The following GPN2 variants were observed in gnomAD, a reference collection of about 807,000 sequenced individuals.
GPN2 encodes the protein ATP-binding domain 1 family member B.
Under a neutral mutation model 30.1 loss-of-function variants are expected in GPN2, and 27 were observed. That is an observed-to-expected ratio of 0.90 (90% CI 0.66 to 1.24). The LOEUF is 1.24. Ranked by LOEUF, GPN2 falls within the 50% of genes most tolerant of loss-of-function variation. The pLI, the probability that GPN2 is intolerant of heterozygous loss-of-function variation, is 0.00. For missense variants in GPN2, 406 were observed against 405.4 expected, an observed-to-expected ratio of 1.00 and a Z score of -0.01; for synonymous variants, 212 against 174.4, an observed-to-expected ratio of 1.22 and a Z score of -1.70.
chr1:26,880,606 T>C (rs1351982556), intron 4 of GPN2, among the ~76,000 whole-genome samples: 2 of 152,064 alleles, frequency 1.3e-5, no homozygotes, highest in South Asian at 4.2e-4. Flanking sequence ...CCACCACGCC[T>C]GGCCAAAAAT....
chr1:26,882,693 C>T (rs1329512242), intron 4 of GPN2, among the ~76,000 whole-genome samples: 3 of 152,224 alleles, frequency 2.0e-5, no homozygotes, highest in Non-Finnish European at 2.9e-5. Context: ...TGTCCTGCTT[C>T]ACGCATGGCC....
At chr1:26,888,647 C>T (rs558519727) in intron 2 of GPN2, among the ~76,000 whole-genome samples, 2 of 152,324 alleles carry the variant, frequency 1.3e-5, no homozygotes, top group African/African-American at 2.4e-5. Flanking sequence ...CCAGACCACA[C>T]GATGATTCAG....
chr1:26,883,511 G>A (rs2081874783), intron 4 of GPN2, among the ~76,000 whole-genome samples: 1 of 151,504 alleles, frequency 6.6e-6, no homozygotes, highest in Non-Finnish European at 1.5e-5. Flanking sequence ...CCACGGCCGG[G>A]CGCAGTGGCT....
intron 4 of GPN2, among the ~76,000 whole-genome samples, chr1:26,882,251 G>A (rs1322907226): frequency 1.3e-5 from 2 of 151,152 alleles, no homozygotes; most frequent in African/African-American, 4.9e-5. Flanking sequence ...AGGTGTGGTG[G>A]AGCATGCCTG....
rs2081846409 is a variant in GPN2, at chr1:26,878,143, G to A, written c.*1534C>T. The A allele has an allele frequency of 6.6e-6, 1 of 152,156 alleles. No homozygotes were observed. The highest frequency in any genetic ancestry group is 2.4e-5 in the African/African-American group (1 of 41,434). The allele number at this position is 152,156 out of a possible 1,614,324, so 9.4% of individuals were successfully genotyped here. A position where few individuals can be genotyped will look rare whatever the true frequency, so the allele number is the denominator to read the frequency against. On this transcript the variant is annotated 3_prime_UTR_variant, in exon 5 of 5. Coordinates refer to ENST00000374135, the MANE Select transcript of GPN2 (RefSeq NM_018066.4). ...GTTACAACTGCAAAAAATTAGGTTG[G>A]GGTGCCACCTACTGGTTGAAAAATA...
rs1557653462 is a variant in GPN2, at chr1:26,876,217, C to CTTTTT, written c.*3459_*3460insAAAAA. On this transcript the variant is annotated 3_prime_UTR_variant, in exon 5 of 5. Coordinates refer to ENST00000374135, the MANE Select transcript of GPN2 (RefSeq NM_018066.4). The stretch of plus-strand genomic sequence containing the variant: ...TATGGGATTCTGGGTGACTCATTTT[C>CTTTTT]GTTTTTTTTTTTTTTGAGATGTACT... 6.7e-6 allele frequency: 1 copy of CTTTTT among 149,826 alleles called. No individual in the cohort carries two copies. The allele number at this position is 149,826 out of a possible 1,614,324, so 9.3% of individuals were successfully genotyped here.
intron 4 of GPN2, 62 bp from the exon 5 acceptor site, chr1:26,879,811 G>T: frequency 8.8e-7 from 1 of 1,134,926 alleles, no homozygotes; most frequent in Non-Finnish European, 1.3e-6. Context: ...GTCTGGGCAG[G>T]ATCTGACTTC....
chr1:26,886,111 T>C lies in GPN2; in HGVS notation c.591A>G (p.Thr197=), dbSNP rs765840419. ...GKLAFNLDYY[T]EVLDLSYLLD... ...GCAGGTAGGAGAGGTCCAGAACCTCTGTGTAGTAGTCCAGGTTGAAGGCTA... is the reference window on the plus strand; with the variant it reads ...GCAGGTAGGAGAGGTCCAGAACCTCCGTGTAGTAGTCCAGGTTGAAGGCTA... The change falls in exon 3 of 5, where the codon ACA becomes ACG. Residue 197 remains threonine (T), a synonymous_variant. Coordinates refer to ENST00000374135, the MANE Select transcript of GPN2 (RefSeq NM_018066.4). The C allele has an allele frequency of 6.2e-6, 10 of 1,613,700 alleles. No homozygotes were observed. The South Asian group carries it at 6.6e-5, about 11-fold the overall frequency.
At position 26,880,851 on chromosome 1, in the gene GPN2, TTTC is replaced by T. The variant is rs1271084943; in HGVS notation, c.861-1105_861-1103del. ...CATGTTCTCTTAACTTGAATTCCCT[TTTC>T]TTCTTCATTAGACTGGCTAACCCTC... On this transcript the variant is annotated intron_variant, in intron 4 of 4. Transcript: ENST00000374135. 1.1e-4 allele frequency among the ~76,000 whole-genome samples: 16 copies of T among 152,338 alleles called. No homozygotes were observed. The East Asian group carries it at 2.3e-3, about 22-fold the overall frequency.
chr1:26,886,262 T>C, intron 2 of GPN2, 129 bp from the exon 3 acceptor site: 1 of 664,916 alleles, frequency 1.5e-6, no homozygotes, highest in Admixed American at 2.9e-5. Context: ...AAAATGAAGT[T>C]ACTAAGAAAA....
chr1:26,889,945 C>G lies in GPN2; in HGVS notation c.152G>C (p.Gly51Ala). The change falls in exon 1 of 5, where the codon GGG (glycine) becomes GCG (alanine). Residue 51 changes from glycine (G) to alanine (A), a missense_variant. Transcript: ENST00000374135. ...GTCCACGGCACACTCGTACGGCAGC[C>G]CCTCGTTGGCCGGGTCCAGGTTCAC... Reference protein sequence around the residue: ...AVVNLDPANEGLPYECAVDVG... With the variant: ...AVVNLDPANEALPYECAVDVG... The G allele has an allele frequency of 6.2e-7, 1 of 1,608,112 alleles. No individual in the cohort carries two copies.
intron 2 of GPN2, 22 bp downstream of exon 2, chr1:26,888,947 C>G (rs755164797): frequency 6.2e-7 from 1 of 1,613,150 alleles, no homozygotes; most frequent in African/African-American, 1.3e-5. Flanking sequence ...CCCTGCTCTT[C>G]GCCTGGAACA....
chr1:26,889,551 G>A, intron 1 of GPN2, 135 bp downstream of exon 1: 1 of 789,970 alleles, frequency 1.3e-6, no homozygotes, highest in Non-Finnish European at 2.1e-6. Flanking sequence ...AGCAGAGCCA[G>A]ATTCTGAACT....
rs1311657811 is a variant in GPN2 at position 26,876,720 on chromosome 1, C to G, written c.*2957G>C. 6.6e-6 allele frequency: 1 copy of G among 151,968 alleles called. No individual in the cohort carries two copies. Among genetic ancestry groups the G allele is most frequent in the African/African-American group, 2.4e-5 (1 of 41,354 alleles). 9.4% of individuals were successfully genotyped at this position (151,968 alleles called of 1,614,324 possible). A position where few individuals can be genotyped will look rare whatever the true frequency, so the allele number is the denominator to read the frequency against. On this transcript the variant is annotated 3_prime_UTR_variant, in exon 5 of 5. Transcript: ENST00000374135. ...AGATCCCCTCAGTATATGCAGAGAACAGAAAATCATTTTGCTGCCAGTGGA... is the reference window on the plus strand; with the variant it reads ...AGATCCCCTCAGTATATGCAGAGAAGAGAAAATCATTTTGCTGCCAGTGGA...
intron 2 of GPN2, chr1:26,886,614 C>T (rs1012966749): frequency 3.6e-5 from 13 of 365,856 alleles, no homozygotes; most frequent in African/African-American, 2.1e-4. Flanking sequence ...GTCAGGAGAT[C>T]GAGACCATCC....
At chr1:26,889,146 T>C in intron 1 of GPN2, 21 bp from the exon 2 acceptor site, 1 of 1,605,374 alleles carries the variant, frequency 6.2e-7, no homozygotes, top group Non-Finnish European at 8.5e-7. Flanking sequence ...ATAGACAGGG[T>C]GAGAGTGGCC....
Position 26,877,188 on chromosome 1 carries a change from G to A in GPN2, c.*2489C>T, listed in dbSNP as rs1475941974. Reference sequence around the variant, plus strand: ...CTCTGTGGGGTGTTAATAGGGGTGAGGTGCTTTGAACTTCTCAGATGAAAG... The same window carrying A: ...CTCTGTGGGGTGTTAATAGGGGTGAAGTGCTTTGAACTTCTCAGATGAAAG... On this transcript the variant is annotated 3_prime_UTR_variant, in exon 5 of 5. Transcript: ENST00000374135. 1 of 152,250 alleles carries A rather than the reference G, an allele frequency of 6.6e-6. No individual in the cohort carries two copies. The highest frequency in any genetic ancestry group is 1.9e-4 in the East Asian group (1 of 5,186). The allele number at this position is 152,250 out of a possible 1,614,324, so 9.4% of individuals were successfully genotyped here.
In GPN2 at chr1:26,889,043, G is replaced by A. The variant is rs746779451; in HGVS notation, c.494C>T (p.Thr165Ile). The change falls in exon 2 of 5, where the codon ACC becomes ATC. Residue 165 changes from threonine to isoleucine, a missense_variant. Thr to Ile is a moderately conservative substitution (Grantham distance 89). Coordinates refer to ENST00000374135, the MANE Select transcript of GPN2 (RefSeq NM_018066.4). ...GTGGGGCAGTTCCACGTGCAGCATG[G>A]TGGCCAGGGAGGTACACAGTACTGA... Reference protein sequence around the residue: ...FISVLCTSLATMLHVELPHIN... With the variant: ...FISVLCTSLAIMLHVELPHIN... 7 of 1,614,152 alleles carry A rather than the reference G, an allele frequency of 4.3e-6. No individual in the cohort carries two copies. The highest frequency in any genetic ancestry group is 5.9e-6 in the Non-Finnish European group (7 of 1,179,944).
At position 26,881,519 on chromosome 1, in the gene GPN2, T is replaced by C. The variant is rs535269634; in HGVS notation, c.861-1770A>G. Among the ~76,000 whole-genome samples the C allele has an allele frequency of 4.6e-5, 7 of 152,364 alleles. No homozygotes were observed. The South Asian group carries it at 1.0e-3, about 23-fold the overall frequency. On this transcript the variant is annotated intron_variant, in intron 4 of 4. Coordinates refer to ENST00000374135, the MANE Select transcript of GPN2 (RefSeq NM_018066.4). Reference sequence around the variant, plus strand: ...GGAACCATCTGTACGGTGTACAAAATACTACATTATTTAAATTGCTTCTCC... The same window carrying C: ...GGAACCATCTGTACGGTGTACAAAACACTACATTATTTAAATTGCTTCTCC...
Sources: gnomAD v4.1 joint callset for allele counts (sites outside exome capture counted in the v4.1 genomes callset) on GRCh38, gnomAD v4.1.1 for gene constraint, MANE v1.5 for transcripts, NCBI Gene and HGNC (gene_info 2026-07-23, HGNC 2026-07-21) for gene names.